The following PDLIM5 variants were observed in gnomAD, a reference collection of about 807,000 sequenced individuals.
PDLIM5 encodes the protein PDZ and LIM domain 5, also known as PDZ and LIM domain protein 5.
Under a neutral mutation model 64.2 loss-of-function variants are expected in PDLIM5, and 34 were observed. The ratio of observed to expected loss-of-function variants is 0.53; its 90% CI spans 0.40 to 0.71. The LOEUF (loss-of-function observed/expected upper bound fraction) is 0.71, where lower values mean the gene tolerates loss of function less well. Ranked by LOEUF, PDLIM5 falls within the 30% of genes least tolerant of loss-of-function variation. PDLIM5 has a pLI of 0.00. For missense variants in PDLIM5, 683 were observed against 733.6 expected (o/e 0.93, Z 0.80); for synonymous variants, 253 against 269.1 (o/e 0.94, Z 0.59).
At chr4:94,467,224 T>C (rs528407407) in intron 2 of PDLIM5, among the ~76,000 whole-genome samples, 11 of 152,192 alleles carry the variant, frequency 7.2e-5, no homozygotes, top group Non-Finnish European at 1.6e-4. Context: ...ACAGTGGTAA[T>C]AGAGAACGAA....
At chr4:94,623,362 G>T (rs563954356) in intron 8 of PDLIM5, among the ~76,000 whole-genome samples, 6 of 152,212 alleles carry the variant, frequency 3.9e-5, no homozygotes, top group Middle Eastern at 6.8e-3. Flanking sequence ...TGTACAAGCT[G>T]CTCCTTTTAT....
At chr4:94,532,012 T>C (rs1730919119) in intron 3 of PDLIM5, among the ~76,000 whole-genome samples, 1 of 152,154 alleles carries the variant, frequency 6.6e-6, no homozygotes, top group Admixed American at 6.6e-5. Context: ...GTATATGGTT[T>C]CCCATCCTAA....
intron 8 of PDLIM5, among the ~76,000 whole-genome samples, chr4:94,637,375 A>G (rs1009021440): frequency 6.6e-6 from 1 of 152,140 alleles, no homozygotes; most frequent in Non-Finnish European, 1.5e-5. Flanking sequence ...CCTGGCCAAC[A>G]TGGTGAAACC....
intron 3 of PDLIM5, among the ~76,000 whole-genome samples, chr4:94,525,338 A>G (rs560649296): frequency 1.3e-5 from 2 of 152,186 alleles, no homozygotes; most frequent in African/African-American, 4.8e-5. Context: ...GAATCACTTG[A>G]ACTCTAGAGG....
chr4:94,553,712 C>G (rs537862468), intron 3 of PDLIM5, among the ~76,000 whole-genome samples: 1 of 152,202 alleles, frequency 6.6e-6, no homozygotes, highest in African/African-American at 2.4e-5. Flanking sequence ...TGTGAATGAT[C>G]CTGCAGCTCA....
At chr4:94,574,398 T>G (rs923209407) in intron 4 of PDLIM5, among the ~76,000 whole-genome samples, 4 of 150,494 alleles carry the variant, frequency 2.7e-5, no homozygotes, top group African/African-American at 9.8e-5. Context: ...GCCAGGAGGC[T>G]GAGGTGGGAG....
chr4:94,499,562 G>C (rs989128859), intron 2 of PDLIM5, among the ~76,000 whole-genome samples: 2 of 152,214 alleles, frequency 1.3e-5, no homozygotes, highest in Non-Finnish European at 2.9e-5. Context: ...TGTTAAGCAT[G>C]ACAAGTAATC....
Position 94,519,015 on chromosome 4 carries a change from A to G in PDLIM5, c.97-4709A>G, listed in dbSNP as rs113354664. ...CAACACCTAACTGTCCTGAGAAGTG[A>G]CAAGAGGCCACCATTCTTTAGGAAT... On this transcript the variant is annotated intron_variant, in intron 2 of 12. Coordinates refer to ENST00000317968, the MANE Select transcript of PDLIM5 (RefSeq NM_006457.5). Among the ~76,000 whole-genome samples the G allele has an allele frequency of 3.7e-3, 562 of 152,292 alleles. 2 individuals are homozygous for G. The highest frequency in any genetic ancestry group is 0.013 in the African/African-American group (527 of 41,558).
chr4:94,544,099 G>T (rs1269082891), intron 3 of PDLIM5, among the ~76,000 whole-genome samples: 1 of 151,916 alleles, frequency 6.6e-6, no homozygotes, highest in Non-Finnish European at 1.5e-5. Flanking sequence ...GATCATTTTG[G>T]CATTCCTTGC....
At chr4:94,610,020 A>G in intron 7 of PDLIM5, 1 of 542,934 alleles carries the variant, frequency 1.8e-6, no homozygotes, top group East Asian at 3.1e-5. Flanking sequence ...AATGGCCTGA[A>G]CTCCTATTAC....
chr4:94,569,442 C>G (rs557164022), intron 3 of PDLIM5, among the ~76,000 whole-genome samples: 1 of 152,264 alleles, frequency 6.6e-6, no homozygotes, highest in South Asian at 2.1e-4. Context: ...GCCTCAGCCT[C>G]CTAAGTAGCT....
chr4:94,593,680 T>G (rs1736848809), intron 7 of PDLIM5, among the ~76,000 whole-genome samples: 1 of 152,196 alleles, frequency 6.6e-6, no homozygotes, highest in South Asian at 2.1e-4. Context: ...AATAGTCACA[T>G]TGTGGGTTAG....
intron 3 of PDLIM5, among the ~76,000 whole-genome samples, chr4:94,567,010 A>T (rs1734379547): frequency 6.6e-6 from 1 of 152,142 alleles, no homozygotes; most frequent in African/African-American, 2.4e-5. Flanking sequence ...TGTTTGTTTT[A>T]TGAGACGGAG....
At chr4:94,495,950 G>A (rs1046440191) in intron 2 of PDLIM5, among the ~76,000 whole-genome samples, 4 of 152,070 alleles carry the variant, frequency 2.6e-5, no homozygotes, top group African/African-American at 9.7e-5. Flanking sequence ...TTGGGAGAGG[G>A]AAGAGAGGAG....
rs113372168 is a variant in PDLIM5, at chr4:94,465,910, T to TTGTGTATGTG, written c.96+10552_96+10561dup. ...ACTAGAGATAGCCAAATTTGTGTGT[T>TTGTGTATGTG]TGTGTATGTGTGTGTATGTGTGTGT... is the stretch of plus-strand genomic sequence containing the variant. On this transcript the variant is annotated intron_variant, in intron 2 of 12. Transcript: ENST00000317968. 4.9e-4 allele frequency among the ~76,000 whole-genome samples: 75 copies of TTGTGTATGTG among 151,914 alleles called. No homozygotes were observed. The Middle Eastern group carries it at 0.017, about 34-fold the overall frequency.
intron 3 of PDLIM5, among the ~76,000 whole-genome samples, chr4:94,559,129 A>G (rs1045379553): frequency 2.0e-5 from 3 of 152,190 alleles, no homozygotes; most frequent in African/African-American, 7.2e-5. Context: ...AATAAAAAAG[A>G]TATTATTATG....
intron 2 of PDLIM5, among the ~76,000 whole-genome samples, chr4:94,469,603 G>A (rs1234048283): frequency 1.3e-5 from 2 of 152,200 alleles, no homozygotes; most frequent in Non-Finnish European, 2.9e-5. Flanking sequence ...TCCTGGTAAT[G>A]AGGAGGATAA....
At chr4:94,476,932 C>T (rs1725374451) in intron 2 of PDLIM5, among the ~76,000 whole-genome samples, 1 of 152,148 alleles carries the variant, frequency 6.6e-6, no homozygotes, top group South Asian at 2.1e-4. Flanking sequence ...ATTTTTGAAG[C>T]ACTTGGAACA....
At chr4:94,545,340 A>G (rs533408602) in intron 3 of PDLIM5, among the ~76,000 whole-genome samples, 2 of 152,326 alleles carry the variant, frequency 1.3e-5, no homozygotes, top group African/African-American at 4.8e-5. Context: ...ATGTACTCAT[A>G]TAATATCTTT....
Sources: gnomAD v4.1 joint callset for allele counts (sites outside exome capture counted in the v4.1 genomes callset) on GRCh38, gnomAD v4.1.1 for gene constraint, MANE v1.5 for transcripts, NCBI Gene and HGNC (gene_info 2026-07-23, HGNC 2026-07-21) for gene names.